MAP4K2: variants seen among roughly 807,000 people sequenced by gnomAD.
MAP4K2 encodes mitogen-activated protein kinase kinase kinase kinase 2.
A neutral mutation model predicts 125.3 loss-of-function variants in MAP4K2; 85 were observed. The ratio of observed to expected loss-of-function variants is 0.68; its 90% CI spans 0.57 to 0.81. MAP4K2 has a LOEUF of 0.81. MAP4K2 is among the 40% of genes least tolerant of loss of function. MAP4K2 has a pLI of 0.00. For missense variants in MAP4K2, 923 were observed against 1,056.4 expected, an observed-to-expected ratio of 0.87 and a Z score of 1.75; for synonymous variants, 479 against 445.1, an observed-to-expected ratio of 1.08 and a Z score of -0.96.
rs1396430645 is a variant in MAP4K2 at position 64,788,426 on chromosome 11, C to T, written c.*1111G>A. 1 of 152,400 alleles carries T rather than the reference C, an allele frequency of 6.6e-6. No homozygotes were observed. Among genetic ancestry groups the T allele is most frequent in the East Asian group, 1.9e-4 (1 of 5,208 alleles). 9.4% of individuals were successfully genotyped at this position (152,400 alleles called of 1,614,324 possible). On this transcript the variant is annotated 3_prime_UTR_variant, in exon 32 of 32. Transcript: ENST00000294066. Reference sequence around the variant, plus strand: ...AGTGCCTGGGGCAAAAGAGGATGCCCAGCCCTGGGGGCCCTGGCATTCAGA... The same window carrying T: ...AGTGCCTGGGGCAAAAGAGGATGCCTAGCCCTGGGGGCCCTGGCATTCAGA...
rs61736646 is a variant in MAP4K2 at position 64,800,180 on chromosome 11, G to C, written c.844C>G (p.Leu282Val). ...FTTQQLPRAL[L>V]TQLLDKASDP... ...CTGGCTTTGTCCAGCAGCTGTGTGA[G>C]GAGGGCCCGAGGGAGCTGCTGAGTC... The change falls in exon 12 of 32, where the codon CTC (leucine) becomes GTC (valine). Residue 282 changes from leucine (L) to valine (V), a missense_variant. By Grantham distance (32) the Leu-to-Val change is conservative. Transcript: ENST00000294066. 1.9e-6 allele frequency: 3 copies of C among 1,613,278 alleles called. No homozygotes were observed. The African/African-American group carries it at 4.0e-5, about 22-fold the overall frequency.
At chr11:64,796,193 T>C (rs1336578003) in intron 24 of MAP4K2, 80 bp downstream of exon 24, 1 of 1,277,840 alleles carries the variant, frequency 7.8e-7, no homozygotes, top group Non-Finnish European at 1.1e-6. Context: ...ATTGCTGCAA[T>C]CCCAGGAACT....
Position 64,791,928 on chromosome 11 carries a change from G to C in MAP4K2, c.2073C>G (p.Pro691=). 1 of 1,595,916 alleles carries C rather than the reference G, an allele frequency of 6.3e-7. No individual in the cohort carries two copies. The highest frequency in any genetic ancestry group is 8.5e-7 in the Non-Finnish European group (1 of 1,170,212). Residue 691 remains proline (P), a synonymous_variant, in exon 27 of 32, where the codon CCC becomes CCG. Coordinates refer to ENST00000294066, the MANE Select transcript of MAP4K2 (RefSeq NM_004579.5). ...GCTCACCAGGTGGGATGAGGATGTC[G>C]GGCGTCAGGCCAGCCTCCAGGGGCA... is the stretch of plus-strand genomic sequence containing the variant. ...HVLPLEAGLT[P]DILIPPEGIP... is the part of the protein sequence containing the mutation.
chr11:64,801,888 G>A lies in MAP4K2; in HGVS notation c.367-131C>T, dbSNP rs538834771. The A allele has an allele frequency of 9.7e-5, 114 of 1,173,692 alleles. No individual in the cohort carries two copies. In the African/African-American group the frequency reaches 1.5e-3, roughly 16 times the overall value. 72.7% of individuals were successfully genotyped at this position (1,173,692 alleles called of 1,614,324 possible). On this transcript the variant is annotated intron_variant, in intron 5 of 31. Transcript: ENST00000294066. Reference sequence around the variant, plus strand: ...CTCTCCCCAAACAGGAAGTGACTGAGCCAAGAGGGAAATGGACTGCTTCCG... The same window carrying A: ...CTCTCCCCAAACAGGAAGTGACTGAACCAAGAGGGAAATGGACTGCTTCCG...
At position 64,785,263 on chromosome 11, in the gene MAP4K2, C is replaced by G. The variant is rs1272375002; in HGVS notation, c.*4274G>C. The G allele has an allele frequency of 6.6e-6, 1 of 152,214 alleles. No homozygotes were observed. The highest frequency in any genetic ancestry group is 1.5e-5 in the Non-Finnish European group (1 of 68,050). The allele number at this position is 152,214 out of a possible 1,614,324, so 9.4% of individuals were successfully genotyped here. On this transcript the variant is annotated 3_prime_UTR_variant, in exon 32 of 32. Transcript: ENST00000294066. ...GCTTACCAAGGGCATGGGAAACTTT[C>G]CAGAGTGAAGGGGATGGTGATTATC...
Position 64,788,944 on chromosome 11 carries a change from G to C in MAP4K2, c.*593C>G, listed in dbSNP as rs1940316720. Reference sequence around the variant, plus strand: ...AACTGCAAAGCTGAGGGTCAGTTCTGAGCAAGGATGCAGGGGAAGGCACAG... The same window carrying C: ...AACTGCAAAGCTGAGGGTCAGTTCTCAGCAAGGATGCAGGGGAAGGCACAG... On this transcript the variant is annotated 3_prime_UTR_variant, in exon 32 of 32. Coordinates refer to ENST00000294066, the MANE Select transcript of MAP4K2 (RefSeq NM_004579.5). 6.4e-6 allele frequency: 1 copy of C among 157,396 alleles called. No homozygotes were observed. Among genetic ancestry groups the C allele is most frequent in the Non-Finnish European group, 1.4e-5 (1 of 71,374 alleles). 9.7% of individuals were successfully genotyped at this position (157,396 alleles called of 1,614,324 possible).
chr11:64,802,874 C>G lies in MAP4K2; in HGVS notation c.154+11G>C, dbSNP rs746989601. On this transcript the variant is annotated intron_variant, in intron 2 of 31. Transcript: ENST00000294066. The stretch of plus-strand genomic sequence containing the variant: ...CTTCCTCTGGCGCAGAGGCCCGACC[C>G]GGGCCCTCACCTGGGTCTAGCTTGA... The G allele has an allele frequency of 1.3e-6, 2 of 1,598,952 alleles. No homozygotes were observed. The highest frequency in any genetic ancestry group is 2.2e-5 in the South Asian group (2 of 89,310).
intron 24 of MAP4K2, among the ~76,000 whole-genome samples, chr11:64,795,577 T>G (rs1940747916): frequency 1.3e-5 from 2 of 152,164 alleles, no homozygotes; most frequent in African/African-American, 4.8e-5. Context: ...ATTTTTTTTG[T>G]ATTTTTAGTA....
rs1010094132 is a variant in MAP4K2, at chr11:64,797,362, C to T, written c.1189G>A (p.Asp397Asn). 9 of 1,591,346 alleles carry T rather than the reference C, an allele frequency of 5.7e-6. No individual in the cohort carries two copies. In the South Asian group the frequency reaches 6.8e-5, roughly 12 times the overall value. The change falls in exon 18 of 32, where the codon GAT becomes AAT. Residue 397 changes from aspartate (D) to asparagine (N), a missense_variant. Asp to Asn is a conservative substitution (Grantham distance 23, BLOSUM62 1). Coordinates refer to ENST00000294066, the MANE Select transcript of MAP4K2 (RefSeq NM_004579.5). ...GCCCGCTTGATGGTTCCCATGGTAT[C>T]GTCTGGGGAGTCCAGCTCCTGGTAG... ...SEFQELDSPD[D>N]TMGTIKRAPF...
chr11:64,791,444 C>T lies in MAP4K2; in HGVS notation c.2092+465G>A, dbSNP rs184138782. On this transcript the variant is annotated intron_variant, in intron 27 of 31. Transcript: ENST00000294066. ...TCACCCAGGCTGGAGTGCAGTGGCGCGAACATGGCTCACAACTGCCTCTGT... is the reference window on the plus strand; with the variant it reads ...TCACCCAGGCTGGAGTGCAGTGGCGTGAACATGGCTCACAACTGCCTCTGT... Among the ~76,000 whole-genome samples, 30 of 152,280 alleles carry T rather than the reference C, an allele frequency of 2.0e-4. No individual in the cohort carries two copies. The East Asian group carries it at 3.1e-3, about 16-fold the overall frequency.
rs1427176309 is a variant in MAP4K2 at position 64,802,088 on chromosome 11, T to G, written c.344A>C (p.Tyr115Ser). 1.9e-6 allele frequency: 3 copies of G among 1,612,770 alleles called. No homozygotes were observed. ...TGPLEERQIA[Y>S]VCREALKGLH... ...TACCTTCAGTGCCTCTCGGCAGACG[T>G]AGGCAATCTGCCGCTCCTCCAGGGG... The change falls in exon 5 of 32, where the codon TAC becomes TCC. Residue 115 changes from tyrosine to serine, a missense_variant. Tyr to Ser is a moderately radical substitution (Grantham distance 144). This residue lies in a region of MAP4K2 where 833 missense variants were observed against 911.4 expected (regional missense o/e 0.91). Transcript: ENST00000294066.
chr11:64,801,480 G>T, intron 7 of MAP4K2, 99 bp downstream of exon 7: 1 of 1,362,670 alleles, frequency 7.3e-7, no homozygotes, highest in South Asian at 1.2e-5. Context: ...AGACTCAAGT[G>T]GCAAAGTGAC....
intron 7 of MAP4K2, 97 bp from the exon 8 acceptor site, chr11:64,801,280 C>G: frequency 6.9e-7 from 1 of 1,449,506 alleles, no homozygotes. Context: ...AGGGCTCAGA[C>G]GGGCAGGTGG....
rs773671379 is a variant in MAP4K2, at chr11:64,802,918, G to C, written c.121C>G (p.Leu41Val). 1 of 1,596,048 alleles carries C rather than the reference G, an allele frequency of 6.3e-7. No homozygotes were observed. Among genetic ancestry groups the C allele is most frequent in the Non-Finnish European group, 8.5e-7 (1 of 1,172,034 alleles). Residue 41 changes from leucine to valine, a missense_variant, in exon 2 of 32, where the codon CTG (leucine) becomes GTG (valine). Physicochemically the swap from Leu to Val is conservative, Grantham distance 32. Coordinates refer to ENST00000294066, the MANE Select transcript of MAP4K2 (RefSeq NM_004579.5). Reference protein sequence around the residue: ...YKARDTVTSELAAVKIVKLDP... With the variant: ...YKARDTVTSEVAAVKIVKLDP... ...AGCTTGACTATCTTCACGGCGGCCA[G>C]TTCGGACGTGACCGTGTCGCGGGCC...
Position 64,787,768 on chromosome 11 carries a change from T to A in MAP4K2, c.*1769A>T, listed in dbSNP as rs1940258428. ...AGATCCGCCACAAGGAGGCACTGTC[T>A]GCTGCTGGCCGGTTGGTGAACGGAA... On this transcript the variant is annotated 3_prime_UTR_variant, in exon 32 of 32. Coordinates refer to ENST00000294066, the MANE Select transcript of MAP4K2 (RefSeq NM_004579.5). 1 of 152,274 alleles carries A rather than the reference T, an allele frequency of 6.6e-6. No individual in the cohort carries two copies. The highest frequency in any genetic ancestry group is 2.4e-5 in the African/African-American group (1 of 41,450). 9.4% of individuals were successfully genotyped at this position (152,274 alleles called of 1,614,324 possible).
At position 64,788,114 on chromosome 11, in the gene MAP4K2, G is replaced by C. The variant is rs1375562486; in HGVS notation, c.*1423C>G. ...CAGAACAGTTGAAACTCTGCTGGAG[G>C]GTGGCTGAGGGGACAGTGTGACACC... is the stretch of plus-strand genomic sequence containing the variant. On this transcript the variant is annotated 3_prime_UTR_variant, in exon 32 of 32. Transcript: ENST00000294066. 1 of 152,270 alleles carries C rather than the reference G, an allele frequency of 6.6e-6. No homozygotes were observed. Among genetic ancestry groups the C allele is most frequent in the African/African-American group, 2.4e-5 (1 of 41,434 alleles). 9.4% of individuals were successfully genotyped at this position (152,270 alleles called of 1,614,324 possible).
intron 24 of MAP4K2, among the ~76,000 whole-genome samples, chr11:64,794,085 G>A (rs1940651136): frequency 6.6e-6 from 1 of 152,182 alleles, no homozygotes; most frequent in Non-Finnish European, 1.5e-5. Flanking sequence ...AATGTCGGGG[G>A]CCCATAGCCC....
At chr11:64,797,422 G>A in intron 17 of MAP4K2, 42 bp from the exon 18 acceptor site, 1 of 1,558,374 alleles carries the variant, frequency 6.4e-7, no homozygotes. Context: ...TTACCAGGTT[G>A]CCCTGTAACC....
intron 29 of MAP4K2, 48 bp downstream of exon 29, chr11:64,790,140 G>C (rs768353673): frequency 3.1e-6 from 5 of 1,603,720 alleles, no homozygotes; most frequent in Non-Finnish European, 4.3e-6. Flanking sequence ...GAGCAACAAC[G>C]TGCTCCAGGC....
Sources: allele counts gnomAD v4.1 joint callset (sites outside exome capture counted in the v4.1 genomes callset), GRCh38; gene constraint gnomAD v4.1.1; regional missense constraint gnomAD v4.1.1; transcripts MANE v1.5; gene names NCBI Gene and HGNC (gene_info 2026-07-23, HGNC 2026-07-21).